Variants in INTS8 observed in about 807,000 individuals in gnomAD.
INTS8 encodes the protein protein kaonashi-1.
Under a neutral mutation model 138.9 loss-of-function variants are expected in INTS8, and 47 were observed. The ratio of observed to expected loss-of-function variants is 0.34; its 90% CI spans 0.27 to 0.43. The LOEUF (loss-of-function observed/expected upper bound fraction) is 0.43. Among genes scored for constraint, INTS8 ranks in the 20% least tolerant of loss-of-function variants. The pLI is 1.00. For synonymous variants in INTS8, 392 were observed against 400.9 expected (o/e 0.98, Z 0.27); for missense variants, 996 against 1,173.0 (o/e 0.85, Z 2.20).
rs1386625046 is a variant in INTS8 at position 94,859,640 on chromosome 8, A to G, written c.2076+8A>G. The G allele has an allele frequency of 1.2e-6, 2 of 1,600,540 alleles. No homozygotes were observed. Among genetic ancestry groups the G allele is most frequent in the Non-Finnish European group, 1.7e-6 (2 of 1,168,958 alleles). On this transcript the variant is annotated splice_region_variant and intron_variant, in intron 16 of 26. Transcript: ENST00000523731. ...AGTAATCCATATGTAAAGGTAGTTA[A>G]TGTTTAAATAAAAGGATTGTTAGGA...
chr8:94,881,729 A>T lies in INTS8; in HGVS notation c.*1495A>T, dbSNP rs747525082. Reference sequence around the variant, plus strand: ...CTGTCCCCCTTTTCTGAAGGTGTTTATGTAATTTACTTCCTCCTATACATG... The same window carrying T: ...CTGTCCCCCTTTTCTGAAGGTGTTTTTGTAATTTACTTCCTCCTATACATG... On this transcript the variant is annotated 3_prime_UTR_variant, in exon 27 of 27. Transcript: ENST00000523731. The T allele has an allele frequency of 8.1e-6, 13 of 1,613,802 alleles. No individual in the cohort carries two copies. The highest frequency in any genetic ancestry group is 1.7e-4 in the Middle Eastern group (1 of 6,060).
chr8:94,869,738 A>C (rs188461126), intron 20 of INTS8, among the ~76,000 whole-genome samples: 1 of 151,978 alleles, frequency 6.6e-6, no homozygotes, highest in Non-Finnish European at 1.5e-5. Context: ...TGATCTGCCT[A>C]CCTCGGCCTC....
intron 26 of INTS8, among the ~76,000 whole-genome samples, chr8:94,877,296 A>T (rs572980219): frequency 6.6e-6 from 1 of 152,342 alleles, no homozygotes; most frequent in African/African-American, 2.4e-5. Context: ...ACTTATATTA[A>T]TTTAAAAAAA....
At chr8:94,866,389 G>A (rs1274918328) in intron 18 of INTS8, 198 bp downstream of exon 18, 1 of 567,784 alleles carries the variant, frequency 1.8e-6, no homozygotes. Flanking sequence ...AATTCTTGAG[G>A]TTAAGCAGTC....
chr8:94,854,509 A>G (rs1294994851), intron 14 of INTS8, among the ~76,000 whole-genome samples: 4 of 152,220 alleles, frequency 2.6e-5, no homozygotes, highest in African/African-American at 9.6e-5. Context: ...TAAAAAACAA[A>G]CTTTCTAAAA....
In INTS8 at chr8:94,881,219, C is replaced by G. The variant is rs28399588; in HGVS notation, c.*985C>G. 12,169 of 367,738 alleles carry G rather than the reference C, an allele frequency of 0.033. 230 individuals are homozygous for G. The highest frequency in any genetic ancestry group is 0.04 in the Non-Finnish European group (8,230 of 207,556). The allele number at this position is 367,738 out of a possible 1,614,324, so 22.8% of individuals were successfully genotyped here. On this transcript the variant is annotated 3_prime_UTR_variant, in exon 27 of 27. Coordinates refer to ENST00000523731, the MANE Select transcript of INTS8 (RefSeq NM_017864.4). ...TCAAGAGTGTAGGAATTTTGAGAAT[C>G]TAACAACTAGATTCAAAGTACTGTA...
chr8:94,849,195 C>A (rs889294218), intron 10 of INTS8, among the ~76,000 whole-genome samples: 1 of 152,102 alleles, frequency 6.6e-6, no homozygotes, highest in Non-Finnish European at 1.5e-5. Context: ...TTGATAAATT[C>A]TGTGAGAACT....
intron 10 of INTS8, among the ~76,000 whole-genome samples, chr8:94,848,030 A>C (rs1815395845): frequency 1.0e-5 from 1 of 99,828 alleles, no homozygotes; most frequent in African/African-American, 4.0e-5. Context: ...TTTTTTTGAG[A>C]TGGAGTCTCT....
Position 94,881,692 on chromosome 8 carries a change from C to CA in INTS8, c.*1459dup, listed in dbSNP as rs1158587292. ...GTGGTGTCATAATGCCTCCATTGCACACTGGTGACAACTGTCCCCCTTTTC... is the reference window on the plus strand; with the variant it reads ...GTGGTGTCATAATGCCTCCATTGCACAACTGGTGACAACTGTCCCCCTTTTC... On this transcript the variant is annotated 3_prime_UTR_variant, in exon 27 of 27. Coordinates refer to ENST00000523731, the MANE Select transcript of INTS8 (RefSeq NM_017864.4). 3.1e-6 allele frequency: 5 copies of CA among 1,613,916 alleles called. No individual in the cohort carries two copies. The highest frequency in any genetic ancestry group is 4.2e-6 in the Non-Finnish European group (5 of 1,179,892).
chr8:94,839,571 C>T (rs572915405), intron 8 of INTS8, among the ~76,000 whole-genome samples: 1 of 152,262 alleles, frequency 6.6e-6, no homozygotes, highest in African/African-American at 2.4e-5. Context: ...TTTCCCCTAT[C>T]TTTGGCCCTT....
At chr8:94,861,244 C>T (rs1234230553) in intron 16 of INTS8, among the ~76,000 whole-genome samples, 1 of 126,498 alleles carries the variant, frequency 7.9e-6, no homozygotes, top group Non-Finnish European at 1.7e-5. Context: ...CAGTTTTTCC[C>T]CCCTTTTTGT....
At chr8:94,859,793 C>T (rs1815886353) in intron 16 of INTS8, 161 bp downstream of exon 16, 5 of 584,966 alleles carry the variant, frequency 8.5e-6, no homozygotes, top group East Asian at 6.0e-5. Flanking sequence ...ATAATTCATG[C>T]ACTTGACCTT....
At chr8:94,869,602 C>T (rs1816315598) in intron 20 of INTS8, among the ~76,000 whole-genome samples, 1 of 152,122 alleles carries the variant, frequency 6.6e-6, no homozygotes, top group Non-Finnish European at 1.5e-5. Flanking sequence ...AAGCAATTCT[C>T]CTGCCTCAGC....
At position 94,856,771 on chromosome 8, in the gene INTS8, T is replaced by C. The variant is rs990438172; in HGVS notation, c.1753-6T>C. The C allele has an allele frequency of 1.2e-6, 2 of 1,613,688 alleles. No homozygotes were observed. Among genetic ancestry groups the C allele is most frequent in the Non-Finnish European group, 1.7e-6 (2 of 1,179,738 alleles). The stretch of plus-strand genomic sequence containing the variant: ...GTGACCCAGGCTATTCTTTTTCTTT[T>C]CATAGGACTTTTCCCATGCTAAACA... On this transcript the variant is annotated splice_region_variant and splice_polypyrimidine_tract_variant and intron_variant, in intron 14 of 26. Coordinates refer to ENST00000523731, the MANE Select transcript of INTS8 (RefSeq NM_017864.4).
rs1195172046 is a variant in INTS8, at chr8:94,859,513, A to G, written c.1957A>G (p.Ile653Val). Residue 653 changes from isoleucine (I) to valine (V), a missense_variant and splice_region_variant, in exon 16 of 27, where the codon ATT becomes GTT. Physicochemically the swap from Ile to Val is conservative, Grantham distance 29. Coordinates refer to ENST00000523731, the MANE Select transcript of INTS8 (RefSeq NM_017864.4). The part of the protein sequence containing the change: ...RGYLEMRLPD[I>V]PLRQVIAEEC... ...CTGTTTTCTTCTTTGCTTTTTAGAT[A>G]TTCCTCTTCGTCAAGTTATAGCTGA... 6.2e-7 allele frequency: 1 copy of G among 1,612,532 alleles called. No homozygotes were observed. The highest frequency in any genetic ancestry group is 1.3e-5 in the African/African-American group (1 of 74,840).
chr8:94,851,097 T>C (rs907781236), intron 12 of INTS8, among the ~76,000 whole-genome samples: 1 of 152,234 alleles, frequency 6.6e-6, no homozygotes, highest in African/African-American at 2.4e-5. Context: ...GGGATTTTGG[T>C]AATCATTTTT....
chr8:94,840,347 G>C (rs748289546), intron 8 of INTS8, among the ~76,000 whole-genome samples: 1 of 152,104 alleles, frequency 6.6e-6, no homozygotes, highest in Non-Finnish European at 1.5e-5. Flanking sequence ...GGTAGTGGCT[G>C]ATTAGTTTAA....
At chr8:94,879,175 T>TG (rs1411716474) in intron 26 of INTS8, among the ~76,000 whole-genome samples, 3 of 152,340 alleles carry the variant, frequency 2.0e-5, no homozygotes, top group South Asian at 4.1e-4. Context: ...TTTTGCCACA[T>TG]GCATTCCTTC....
chr8:94,842,608 A>T, intron 10 of INTS8, 120 bp downstream of exon 10: 1 of 736,644 alleles, frequency 1.4e-6, no homozygotes, highest in Non-Finnish European at 2.2e-6. Flanking sequence ...GTGCCTGACA[A>T]TTGGCACTTT....
Sources: gnomAD v4.1 joint callset for allele counts (sites outside exome capture counted in the v4.1 genomes callset) on GRCh38, gnomAD v4.1.1 for gene constraint, MANE v1.5 for transcripts, NCBI Gene and HGNC (gene_info 2026-07-23, HGNC 2026-07-21) for gene names.